The following PREX1 variants were observed in gnomAD, a reference collection of about 807,000 sequenced individuals.
The protein encoded by PREX1 is phosphatidylinositol-3,4,5-trisphosphate dependent Rac exchange factor 1, also known as phosphatidylinositol 3,4,5-trisphosphate-dependent Rac exchanger 1 protein.
In PREX1, 41 loss-of-function variants were observed where a neutral mutation model predicts 198.3. That is an observed-to-expected ratio of 0.21 (90% confidence interval 0.16 to 0.27). PREX1 has a LOEUF of 0.27. Among genes scored for constraint, PREX1 ranks in the 10% least tolerant of loss-of-function variants. PREX1 has a pLI of 1.00. For missense variants in PREX1, 1,620 were observed against 2,200.7 expected (o/e 0.74, Z 5.28); for synonymous variants, 843 against 887.2 (o/e 0.95, Z 0.89).
intron 9 of PREX1, among the ~76,000 whole-genome samples, chr20:48,689,740 G>A (rs539908425): frequency 1.3e-5 from 2 of 152,254 alleles, no homozygotes; most frequent in Non-Finnish European, 2.9e-5. Flanking sequence ...GTGGTTTATC[G>A]GGCCTAATAT....
At chr20:48,701,889 G>C (rs1471499185) in intron 6 of PREX1, among the ~76,000 whole-genome samples, 2 of 152,174 alleles carry the variant, frequency 1.3e-5, no homozygotes, top group Non-Finnish European at 2.9e-5. Context: ...AGGCATCAGG[G>C]AGGAGTGAGC....
chr20:48,686,475 G>A (rs2089785257), intron 10 of PREX1, among the ~76,000 whole-genome samples: 1 of 152,230 alleles, frequency 6.6e-6, no homozygotes, highest in Admixed American at 6.5e-5. Context: ...TCCTGAGGAG[G>A]CAGAACTCCT....
intron 9 of PREX1, among the ~76,000 whole-genome samples, chr20:48,689,574 T>A (rs1162667747): frequency 2.0e-5 from 3 of 151,936 alleles, no homozygotes; most frequent in Non-Finnish European, 4.4e-5. Context: ...TTGGGCCACA[T>A]CCCCACCCGT....
rs180793803 is a variant in PREX1, at chr20:48,719,199, G to C, written c.621+7091C>G. Among the ~76,000 whole-genome samples, 348 of 152,286 alleles carry C rather than the reference G, an allele frequency of 2.3e-3. 4 individuals are homozygous for C. In the East Asian group the frequency reaches 0.044, roughly 19 times the overall value. ...TCACTCTTAACCACACACAGTACAA[G>C]AGAAAGTAGAATCCAGGTTGGACCC... On this transcript the variant is annotated intron_variant, in intron 5 of 39. Transcript: ENST00000371941.
At chr20:48,625,994 AT>A in intron 39 of PREX1, 67 bp from the exon 40 acceptor site, 1 of 1,417,770 alleles carries the variant, frequency 7.1e-7, no homozygotes, top group Non-Finnish European at 9.4e-7. Flanking sequence ...TATTATTTCC[AT>A]TTTTACCTGA....
chr20:48,715,402 A>C (rs1266930647), intron 5 of PREX1, among the ~76,000 whole-genome samples: 1 of 152,232 alleles, frequency 6.6e-6, no homozygotes, highest in Non-Finnish European at 1.5e-5. Context: ...ATTCAGGCCC[A>C]CTAATGCCTT....
intron 1 of PREX1, among the ~76,000 whole-genome samples, chr20:48,748,557 T>C (rs2090119902): frequency 1.3e-5 from 2 of 152,112 alleles, no homozygotes. Flanking sequence ...CTACTTAATA[T>C]AGCTCAGAGA....
the PREX1 span, among the ~76,000 whole-genome samples, chr20:48,886,111 A>G: frequency 6.6e-6 from 1 of 152,208 alleles, no homozygotes; most frequent in East Asian, 1.9e-4. Context: ...CAGTTGTAGC[A>G]AATATATTAT....
chr20:48,742,727 C>G (rs1410256039), intron 3 of PREX1, among the ~76,000 whole-genome samples: 1 of 152,132 alleles, frequency 6.6e-6, no homozygotes, highest in Non-Finnish European at 1.5e-5. Flanking sequence ...ACTCCCCGTC[C>G]CCAGCCCCCC....
intron 1 of PREX1, among the ~76,000 whole-genome samples, chr20:48,750,979 A>C (rs1233715814): frequency 6.6e-6 from 1 of 152,224 alleles, no homozygotes. Context: ...AGCACCTTTT[A>C]GAATGTCATG....
Position 48,692,276 on chromosome 20 carries a change from A to G in PREX1, c.1036+396T>C, listed in dbSNP as rs571725924. ...TATATACATGCACATATATAATTAC[A>G]TATATGTAAAGCCACTTAAACATAT... On this transcript the variant is annotated intron_variant, in intron 8 of 39. Coordinates refer to ENST00000371941, the MANE Select transcript of PREX1 (RefSeq NM_020820.4). The G allele has an allele frequency of 4.4e-5, 8 of 182,870 alleles. No homozygotes were observed. The East Asian group carries it at 1.1e-3, about 25-fold the overall frequency. The allele number at this position is 182,870 out of a possible 1,614,324, so 11.3% of individuals were successfully genotyped here.
In PREX1 at chr20:48,684,525, A is replaced by G. The variant is rs908439755; in HGVS notation, c.1335-3190T>C. On this transcript the variant is annotated intron_variant, in intron 10 of 39. Transcript: ENST00000371941. The surrounding 1 kb of genome is among the most constrained non-coding windows in gnomAD (Gnocchi z 4.2). The stretch of plus-strand genomic sequence containing the variant: ...GGAGCTTTCCCTCTGGCAGACGTCC[A>G]TAACTGAACAGCATCTAATCTCTGC... Among the ~76,000 whole-genome samples the G allele has an allele frequency of 3.3e-5, 5 of 152,210 alleles. No homozygotes were observed. The highest frequency in any genetic ancestry group is 7.3e-5 in the Non-Finnish European group (5 of 68,030).
chr20:48,783,957 G>A (rs1263997828), intron 1 of PREX1, among the ~76,000 whole-genome samples: 1 of 152,150 alleles, frequency 6.6e-6, no homozygotes, highest in Non-Finnish European at 1.5e-5. Context: ...CACAACACAA[G>A]GTGAACGGAA....
intron 35 of PREX1, among the ~76,000 whole-genome samples, chr20:48,631,064 C>T (rs1236855153): frequency 6.6e-6 from 1 of 152,232 alleles, no homozygotes; most frequent in Non-Finnish European, 1.5e-5. Context: ...GCTCCCCAGG[C>T]CCTGGTCCTG....
intron 3 of PREX1, among the ~76,000 whole-genome samples, chr20:48,739,640 G>A (rs897186474): frequency 3.9e-5 from 6 of 152,180 alleles, no homozygotes; most frequent in African/African-American, 1.4e-4. Flanking sequence ...GTGGCAGCAC[G>A]GAGCAAGTCT....
the PREX1 span, among the ~76,000 whole-genome samples, chr20:48,847,223 G>A: frequency 1.3e-5 from 2 of 152,070 alleles, no homozygotes; most frequent in African/African-American, 4.8e-5. Context: ...GGGTCAGAGT[G>A]GAGTTAAGAT....
At chr20:48,811,584 ACGTGTG>A (rs2090435681) in intron 1 of PREX1, among the ~76,000 whole-genome samples, 4 of 151,316 alleles carry the variant, frequency 2.6e-5, no homozygotes, top group African/African-American at 9.7e-5. Flanking sequence ...ACACACACAC[ACGTGTG>A]CATGCACTCT....
intron 21 of PREX1, among the ~76,000 whole-genome samples, 162 bp from the exon 22 acceptor site, chr20:48,651,745 T>A (rs1037373939): frequency 1.3e-5 from 2 of 152,120 alleles, no homozygotes; most frequent in East Asian, 3.9e-4. Context: ...AGTGGGGAAG[T>A]GATGGAAGGT....
At chr20:48,874,372 CGTGTGTGTGTGTGTGTGTGTGTGTGT>C in the PREX1 span, among the ~76,000 whole-genome samples, 1 of 127,988 alleles carries the variant, frequency 7.8e-6, no homozygotes, top group South Asian at 2.8e-4. Context: ...GAGGGGTGTC[CGTGTGTGTGTGTGTGTGTGTGTGTGT>C]GTGTGTGTGT....
Sources: gnomAD v4.1 joint callset for allele counts (sites outside exome capture counted in the v4.1 genomes callset) on GRCh38, gnomAD v4.1.1 for gene constraint, Gnocchi (gnomAD v3.1) non-coding constraint, MANE v1.5 for transcripts, NCBI Gene and HGNC (gene_info 2026-07-23, HGNC 2026-07-21) for gene names.